Variants in TBCCD1 observed in about 807,000 individuals in gnomAD.
TBCCD1 encodes TBCC domain containing 1.
A neutral mutation model predicts 53.4 loss-of-function variants in TBCCD1; 26 were observed. That is an observed-to-expected ratio of 0.49 (90% CI 0.36 to 0.68). The LOEUF is 0.68. Among genes scored for constraint, TBCCD1 ranks in the 30% least tolerant of loss-of-function variants. The pLI, the probability that TBCCD1 is intolerant of heterozygous loss-of-function variation, is 0.00. For synonymous variants in TBCCD1, 245 were observed against 241.7 expected, an observed-to-expected ratio of 1.01 and a Z score of -0.13; for missense variants, 558 against 669.5, an observed-to-expected ratio of 0.83 and a Z score of 1.84.
chr3:186,556,105 T>C (rs138001344), intron 4 of TBCCD1, among the ~76,000 whole-genome samples: 1 of 152,206 alleles, frequency 6.6e-6, no homozygotes, highest in African/African-American at 2.4e-5. Context: ...CATTTCTTGT[T>C]TATTTTTATT....
Position 186,554,367 on chromosome 3 carries a change from C to T in TBCCD1, c.1431G>A (p.Gly477=), listed in dbSNP as rs61732808. 6,352 of 1,614,126 alleles carry T rather than the reference C, an allele frequency of 3.9e-3. 197 individuals are homozygous for T. In the African/African-American group the frequency reaches 0.071, roughly 18 times the overall value. The change falls in exon 6 of 8, where the codon GGG becomes GGA. Residue 477 remains glycine, a synonymous_variant. Coordinates refer to ENST00000338733, the MANE Select transcript of TBCCD1 (RefSeq NM_018138.5). The part of the protein sequence containing the change: ...YVFIIPFEME[G]DTTEIPGGLP... The stretch of plus-strand genomic sequence containing the variant: ...GACCCCCGGGTATCTCTGTTGTGTC[C>T]CCTTCCATTTCAAAGGGAATAATAA...
At chr3:186,559,026 T>C (rs1168481460) in intron 2 of TBCCD1, among the ~76,000 whole-genome samples, 1 of 152,238 alleles carries the variant, frequency 6.6e-6, no homozygotes, top group Non-Finnish European at 1.5e-5. Context: ...ATTACAGGCG[T>C]GAACCCCTGT....
chr3:186,549,370 T>G (rs936214071), intron 7 of TBCCD1, among the ~76,000 whole-genome samples: 5 of 148,646 alleles, frequency 3.4e-5, no homozygotes, highest in African/African-American at 1.2e-4. Flanking sequence ...CTATTAATAA[T>G]AAGTGAAACT....
rs1257099669 is a variant in TBCCD1 at position 186,546,420 on chromosome 3, C to T, written c.*557G>A. 1 of 152,150 alleles carries T rather than the reference C, an allele frequency of 6.6e-6. No individual in the cohort carries two copies. The highest frequency in any genetic ancestry group is 2.4e-5 in the African/African-American group (1 of 41,424). 9.4% of individuals were successfully genotyped at this position (152,150 alleles called of 1,614,324 possible). On this transcript the variant is annotated 3_prime_UTR_variant, in exon 8 of 8. Coordinates refer to ENST00000338733, the MANE Select transcript of TBCCD1 (RefSeq NM_018138.5). ...CACCAACTTTTTCATTTGGGCATCA[C>T]AAAGACGAGTCTTCTGATGTTCTAT...
At chr3:186,554,173 G>A in intron 6 of TBCCD1, 81 bp downstream of exon 6, 13 of 1,564,748 alleles carry the variant, frequency 8.3e-6, no homozygotes, top group East Asian at 4.5e-5. Flanking sequence ...CTTTAGCACA[G>A]CTGTAAAAAT....
chr3:186,567,482 C>A (rs1714874906), upstream of TBCCD1: 2 of 152,108 alleles, frequency 1.3e-5, no homozygotes, highest in Non-Finnish European at 2.9e-5. Context: ...GTCGAGAGTC[C>A]GCAACAGTGG....
intron 6 of TBCCD1, chr3:186,553,502 A>G (rs543448673): frequency 2.6e-5 from 4 of 151,660 alleles, no homozygotes; most frequent in Non-Finnish European, 2.9e-5. Context: ...CAGAACAGAG[A>G]AAAAAAAAGA....
chr3:186,568,022 T>C (rs527844882), upstream of TBCCD1, among the ~76,000 whole-genome samples: 262 of 152,348 alleles, frequency 1.7e-3, no homozygotes, highest in Non-Finnish European at 3.2e-3. Flanking sequence ...CTTTATGGCC[T>C]CTCTAGGTGT....
rs780874748 is a variant in TBCCD1, at chr3:186,554,289, G to A, written c.1509C>T (p.Ile503=). 4.3e-6 allele frequency: 7 copies of A among 1,613,860 alleles called. No individual in the cohort carries two copies. In the African/African-American group the frequency reaches 8.0e-5, roughly 18 times the overall value. The stretch of plus-strand genomic sequence containing the variant: ...GAGCCTCCTTCACAGTTTTCTGCCA[G>A]ATCTGTATCTTCTGTTCTCTTTGAC... ...ALGQREQKIQ[I]WQKTVKEAHL... Residue 503 remains isoleucine, a synonymous_variant, in exon 6 of 8, where the codon ATC becomes ATT. Coordinates refer to ENST00000338733, the MANE Select transcript of TBCCD1 (RefSeq NM_018138.5).
At chr3:186,558,616 T>A (rs1199210825) in intron 2 of TBCCD1, 44 bp from the exon 3 acceptor site, 1 of 1,593,658 alleles carries the variant, frequency 6.3e-7, no homozygotes, top group East Asian at 2.2e-5. Flanking sequence ...TTTTAAAACA[T>A]CAACCACTAG....
rs765744668 is a variant in TBCCD1 at position 186,556,762 on chromosome 3, T to C, written c.506A>G (p.Tyr169Cys). Residue 169 changes from tyrosine (Y) to cysteine (C), a missense_variant, in exon 4 of 8, where the codon TAC becomes TGC. By Grantham distance (194) the Tyr-to-Cys change is radical. Transcript: ENST00000338733. ...ATCATAGACAAAAGCTTGGTGACTG[T>C]AATCATTCCAGTTCTAAAAAAAAGT... ...SNCHNKNWND[Y>C]SHQAFVYDHL... is the part of the protein sequence containing the mutation. 6.2e-7 allele frequency: 1 copy of C among 1,613,434 alleles called. No homozygotes were observed. Among genetic ancestry groups the C allele is most frequent in the Admixed American group, 1.7e-5 (1 of 59,872 alleles).
intron 1 of TBCCD1, among the ~76,000 whole-genome samples, chr3:186,566,412 A>T (rs767240176): frequency 7.2e-5 from 11 of 152,184 alleles, no homozygotes; most frequent in Non-Finnish European, 7.3e-5. Context: ...CTTACTATGT[A>T]CCAGGTATCA....
intron 7 of TBCCD1, among the ~76,000 whole-genome samples, chr3:186,548,429 T>C: frequency 6.6e-6 from 1 of 152,336 alleles, no homozygotes; most frequent in East Asian, 1.9e-4. Context: ...ATGAAAATGT[T>C]CTAGATTTTT....
upstream of TBCCD1, among the ~76,000 whole-genome samples, chr3:186,569,308 T>TTTTA (rs373378087): frequency 0.019 from 2,850 of 150,532 alleles, 31 homozygotes; most frequent in East Asian, 0.05. Context: ...GACTTTTATT[T>TTTTA]TTTATTTATT....
intron 2 of TBCCD1, among the ~76,000 whole-genome samples, chr3:186,558,862 C>A (rs1399612224): frequency 6.6e-6 from 1 of 152,170 alleles, no homozygotes; most frequent in Non-Finnish European, 1.5e-5. Context: ...CCTGCCTCTG[C>A]CTCCTGAGTA....
At chr3:186,560,345 T>C (rs1223218099) in intron 2 of TBCCD1, among the ~76,000 whole-genome samples, 1 of 152,234 alleles carries the variant, frequency 6.6e-6, no homozygotes, top group Non-Finnish European at 1.5e-5. Flanking sequence ...CATTGCTTGA[T>C]AAACTTTTCA....
At chr3:186,547,583 T>C (rs1285617757) in intron 7 of TBCCD1, among the ~76,000 whole-genome samples, 1 of 151,544 alleles carries the variant, frequency 6.6e-6, no homozygotes, top group African/African-American at 2.4e-5. Flanking sequence ...TTCTCAGCAT[T>C]TATTAATAAA....
At chr3:186,567,680 C>T (rs1714881189), upstream of TBCCD1, 1 of 152,250 alleles carries the variant, frequency 6.6e-6, no homozygotes, top group Admixed American at 6.5e-5. Context: ...GGTCTCAGCA[C>T]TGTGTAAAGC....
chr3:186,558,969 T>G (rs1000576238), intron 2 of TBCCD1, among the ~76,000 whole-genome samples: 1 of 152,218 alleles, frequency 6.6e-6, no homozygotes, highest in African/African-American at 2.4e-5. Flanking sequence ...GGTCTTGAAC[T>G]CCTGACCTCA....
Sources: allele counts gnomAD v4.1 joint callset (sites outside exome capture counted in the v4.1 genomes callset), GRCh38; gene constraint gnomAD v4.1.1; transcripts MANE v1.5; gene names NCBI Gene and HGNC (gene_info 2026-07-23, HGNC 2026-07-21).